DLG1: variants seen among roughly 807,000 people sequenced by gnomAD.
The protein encoded by DLG1 is disks large homolog 1.
In DLG1, 42 loss-of-function variants were observed where a neutral mutation model predicts 123.4. The ratio of observed to expected loss-of-function variants is 0.34; its 90% CI spans 0.27 to 0.44. The LOEUF (loss-of-function observed/expected upper bound fraction) is 0.44, where lower values mean the gene tolerates loss of function less well. DLG1 is among the 20% of genes least tolerant of loss of function. DLG1 has a pLI of 1.00. For missense variants in DLG1, 942 were observed against 1,082.6 expected (o/e 0.87, Z 1.82); for synonymous variants, 317 against 356.2 (o/e 0.89, Z 1.24).
rs1411493357 is a variant in DLG1, at chr3:197,044,005, T to TG, written c.*617dup. 2 of 152,108 alleles carry TG rather than the reference T, an allele frequency of 1.3e-5. No individual in the cohort carries two copies. The highest frequency in any genetic ancestry group is 1.9e-4 in the East Asian group (1 of 5,206). 9.4% of individuals were successfully genotyped at this position (152,108 alleles called of 1,614,324 possible). On this transcript the variant is annotated 3_prime_UTR_variant, in exon 25 of 25. Coordinates refer to ENST00000667157, the MANE Select transcript of DLG1 (RefSeq NM_001366207.1). ...ACGTTGTTATTCCTAGCAAATGTCC[T>TG]GGGAAAAAAGAACCGTCAAATACTA...
At chr3:197,102,122 C>T (rs1266810122) in intron 14 of DLG1, among the ~76,000 whole-genome samples, 2 of 152,086 alleles carry the variant, frequency 1.3e-5, no homozygotes, top group African/African-American at 2.4e-5. Flanking sequence ...TTATTCCTTG[C>T]CTTTGGAATT....
chr3:197,234,715 T>C (rs776206343), intron 4 of DLG1, among the ~76,000 whole-genome samples: 16 of 152,306 alleles, frequency 1.1e-4, no homozygotes, highest in South Asian at 2.1e-4. Flanking sequence ...AGGGGTTATA[T>C]ATATAATCAC....
At chr3:197,296,793 T>C (rs1266721093) in intron 2 of DLG1, 1 of 351,096 alleles carries the variant, frequency 2.8e-6, no homozygotes, top group Non-Finnish European at 5.1e-6. Context: ...TACCTGATAA[T>C]GCAAAAGCAG....
At chr3:197,278,663 A>G (rs562306973) in intron 4 of DLG1, among the ~76,000 whole-genome samples, 2 of 152,250 alleles carry the variant, frequency 1.3e-5, no homozygotes, top group African/African-American at 4.8e-5. Context: ...CTACATCAGA[A>G]GAAATAGAAC....
chr3:197,176,483 CCTGGCAACCA>C (rs772218541), intron 5 of DLG1, among the ~76,000 whole-genome samples: 34 of 152,250 alleles, frequency 2.2e-4, no homozygotes, highest in Non-Finnish European at 4.0e-4. Context: ...TCACCTAACC[CCTGGCAACCA>C]CTGATCTTTT....
intron 4 of DLG1, among the ~76,000 whole-genome samples, chr3:197,258,096 C>T (rs1427553226): frequency 6.6e-6 from 1 of 152,152 alleles, no homozygotes; most frequent in Non-Finnish European, 1.5e-5. Flanking sequence ...CGCTGCCATG[C>T]TAGAAATGCT....
chr3:197,091,108 G>T, intron 14 of DLG1, 82 bp from the exon 15 acceptor site: 1 of 877,644 alleles, frequency 1.1e-6, no homozygotes, highest in Non-Finnish European at 1.8e-6. Flanking sequence ...TATGTAAACT[G>T]TCCTATAATT....
At chr3:197,229,524 T>C (rs1305117143) in intron 4 of DLG1, among the ~76,000 whole-genome samples, 1 of 150,042 alleles carries the variant, frequency 6.7e-6, no homozygotes, top group Admixed American at 6.7e-5. Context: ...TTTTATTCAA[T>C]AGAGAAGCAA....
chr3:197,201,310 G>A lies in DLG1; in HGVS notation c.319-6721C>T, dbSNP rs143466100. ...GAGGCAGGAGAATGGTGTGAACCCG[G>A]GAGGCGGAGCTTGCAGTGAGCCAAG... is the stretch of plus-strand genomic sequence containing the variant. On this transcript the variant is annotated intron_variant, in intron 4 of 24. Transcript: ENST00000667157. Among the ~76,000 whole-genome samples, 614 of 152,338 alleles carry A rather than the reference G, an allele frequency of 4.0e-3. 5 individuals are homozygous for A. The highest frequency in any genetic ancestry group is 0.013 in the African/African-American group (561 of 41,586).
At chr3:197,260,692 T>G (rs1039781213) in intron 4 of DLG1, among the ~76,000 whole-genome samples, 1 of 121,216 alleles carries the variant, frequency 8.2e-6, no homozygotes, top group South Asian at 2.6e-4. Context: ...TCCCCCGATA[T>G]AAATTTAAAT....
intron 18 of DLG1, chr3:197,070,997 A>G (rs1743542188): frequency 6.6e-6 from 1 of 152,144 alleles, no homozygotes; most frequent in Non-Finnish European, 1.5e-5. Flanking sequence ...TTACCTCGCT[A>G]TTTATTAGAT....
chr3:197,136,800 C>G (rs1785243243), intron 9 of DLG1, 122 bp from the exon 10 acceptor site: 2 of 841,234 alleles, frequency 2.4e-6, no homozygotes. Flanking sequence ...AGAAAAGAAT[C>G]TATTTAGTTA....
intron 4 of DLG1, among the ~76,000 whole-genome samples, chr3:197,248,399 G>A (rs1752812446): frequency 6.6e-6 from 1 of 152,156 alleles, no homozygotes; most frequent in Non-Finnish European, 1.5e-5. Context: ...GAGGCAGTGG[G>A]ACACGTCTCC....
At chr3:197,167,310 T>C (rs1801934637) in intron 5 of DLG1, among the ~76,000 whole-genome samples, 1 of 152,196 alleles carries the variant, frequency 6.6e-6, no homozygotes, top group South Asian at 2.1e-4. Flanking sequence ...GAAATATTAA[T>C]GAATATTAAA....
intron 4 of DLG1, among the ~76,000 whole-genome samples, chr3:197,239,778 T>C (rs1747897024): frequency 6.7e-6 from 1 of 148,420 alleles, no homozygotes; most frequent in Non-Finnish European, 1.5e-5. Context: ...ACAGAGCCGA[T>C]GTTATTACCA....
intron 3 of DLG1, among the ~76,000 whole-genome samples, chr3:197,295,492 A>AC (rs1242715988): frequency 6.6e-6 from 1 of 152,122 alleles, no homozygotes; most frequent in Non-Finnish European, 1.5e-5. Flanking sequence ...CAAAAAAAAA[A>AC]AACTTCATTC....
At chr3:197,063,805 AGTTT>A (rs1404940126) in intron 22 of DLG1, among the ~76,000 whole-genome samples, 1 of 152,174 alleles carries the variant, frequency 6.6e-6, no homozygotes, top group African/African-American at 2.4e-5. Flanking sequence ...AGGCAGTACC[AGTTT>A]GCATTTCCAC....
intron 12 of DLG1, among the ~76,000 whole-genome samples, chr3:197,119,141 TACTAAGCTAATTCCTAAGG>T (rs1262949010): frequency 1.3e-5 from 2 of 152,218 alleles, no homozygotes; most frequent in African/African-American, 2.4e-5. Context: ...AACTTAGTTT[TACTAAGCTAATTCCTAAGG>T]ACAATTTACC....
intron 2 of DLG1, chr3:197,296,955 G>C (rs1403861038): frequency 2.0e-5 from 11 of 548,630 alleles, no homozygotes; most frequent in Non-Finnish European, 2.9e-5. Flanking sequence ...ACATCTGTTG[G>C]GGGGGGGCTA....
Sources: gnomAD v4.1 joint callset for allele counts (sites outside exome capture counted in the v4.1 genomes callset) on GRCh38, gnomAD v4.1.1 for gene constraint, MANE v1.5 for transcripts, NCBI Gene and HGNC (gene_info 2026-07-23, HGNC 2026-07-21) for gene names.